The following SUGT1 variants were observed in gnomAD, a reference collection of about 807,000 sequenced individuals.
The protein encoded by SUGT1 is protein SGT1 homolog.
In SUGT1, 15 loss-of-function variants were observed where a neutral mutation model predicts 56.1. The observed-to-expected ratio is 0.27, with a 90% confidence interval of 0.18 to 0.41. The LOEUF is 0.41. SUGT1 is among the 10% of genes least tolerant of loss of function. SUGT1 has a pLI of 1.00. For missense variants in SUGT1, 347 were observed against 382.2 expected, an observed-to-expected ratio of 0.91 and a Z score of 0.77; for synonymous variants, 123 against 128.6, an observed-to-expected ratio of 0.96 and a Z score of 0.30.
At chr13:52,679,255 C>T (rs1282687870) in intron 11 of SUGT1, among the ~76,000 whole-genome samples, 2 of 152,156 alleles carry the variant, frequency 1.3e-5, no homozygotes, top group African/African-American at 4.8e-5. Context: ...TGGCAGTACC[C>T]CGAGCCCCTG....
rs1026561284 is a variant in SUGT1 at position 52,693,847 on chromosome 13, G to A, written c.*6012G>A. 6.6e-6 allele frequency: 1 copy of A among 152,164 alleles called. No homozygotes were observed. Among genetic ancestry groups the A allele is most frequent in the Non-Finnish European group, 1.5e-5 (1 of 68,042 alleles). 9.4% of individuals were successfully genotyped at this position (152,164 alleles called of 1,614,324 possible). On this transcript the variant is annotated 3_prime_UTR_variant, in exon 13 of 13. Coordinates refer to ENST00000310528, the MANE Select transcript of SUGT1 (RefSeq NM_006704.5). ...ATTATAGAATGCTAGCACTGATCCT[G>A]CTGAAATTGTTACAAAATACAGCAG...
intron 12 of SUGT1, among the ~76,000 whole-genome samples, chr13:52,681,266 A>C (rs1963361966): frequency 6.6e-6 from 1 of 151,660 alleles, no homozygotes; most frequent in African/African-American, 2.4e-5. Context: ...AAAAAAAAAA[A>C]AATTAGCTAG....
intron 10 of SUGT1, among the ~76,000 whole-genome samples, chr13:52,668,215 C>A (rs867757432): frequency 5.3e-5 from 8 of 152,220 alleles, no homozygotes; most frequent in Middle Eastern, 3.4e-3. Context: ...CTCCTGACCA[C>A]GTGATCTGCC....
At position 52,693,940 on chromosome 13, in the gene SUGT1, T is replaced by C. The variant is rs1280077390; in HGVS notation, c.*6105T>C. Reference sequence around the variant, plus strand: ...CTGAATGCTGTATGTACATTTTTTATACATGTATACTTATGATAAAGTTTA... The same window carrying C: ...CTGAATGCTGTATGTACATTTTTTACACATGTATACTTATGATAAAGTTTA... On this transcript the variant is annotated 3_prime_UTR_variant, in exon 13 of 13. Coordinates refer to ENST00000310528, the MANE Select transcript of SUGT1 (RefSeq NM_006704.5). The C allele has an allele frequency of 2.0e-5, 3 of 152,214 alleles. No homozygotes were observed. Among genetic ancestry groups the C allele is most frequent in the Non-Finnish European group, 4.4e-5 (3 of 68,036 alleles). The allele number at this position is 152,214 out of a possible 1,614,324, so 9.4% of individuals were successfully genotyped here. A position where few individuals can be genotyped will look rare whatever the true frequency, so the allele number is the denominator to read the frequency against.
Position 52,652,920 on chromosome 13 carries a change from G to T in SUGT1, c.-1G>T, listed in dbSNP as rs552841415. The T allele has an allele frequency of 2.5e-6, 4 of 1,613,852 alleles. No individual in the cohort carries two copies. In the African/African-American group the frequency reaches 5.3e-5, roughly 21 times the overall value. ...GGCGGCAGCAACAGCGACTACGAGG[G>T]ATGGCGGCGGCTGCAGCAGGAACTG... On this transcript the variant is annotated 5_prime_UTR_variant, in exon 1 of 13. Transcript: ENST00000310528.
chr13:52,669,806 C>G (rs1962857711), intron 10 of SUGT1, among the ~76,000 whole-genome samples: 1 of 152,056 alleles, frequency 6.6e-6, no homozygotes, highest in Admixed American at 6.6e-5. Flanking sequence ...TTAATTATGT[C>G]TTAAGGGAAA....
intron 2 of SUGT1, among the ~76,000 whole-genome samples, chr13:52,655,094 C>T (rs1367597026): frequency 1.3e-5 from 2 of 152,184 alleles, no homozygotes; most frequent in African/African-American, 4.8e-5. Context: ...GCCTATAGTC[C>T]CAGCACTCTG....
Position 52,682,343 on chromosome 13 carries a change from TCCATGCTG to T in SUGT1, c.900+2195_900+2202del, listed in dbSNP as rs1173566060. 2.0e-5 allele frequency among the ~76,000 whole-genome samples: 3 copies of T among 150,908 alleles called. No homozygotes were observed. The East Asian group carries it at 5.9e-4, about 30-fold the overall frequency. ...CCTCCCAAGTAGATGGGACTACACATCCATGCTGCCATGCCTGGCTAATTTTTAAAATT... is the reference window on the plus strand; with the variant it reads ...CCTCCCAAGTAGATGGGACTACACATCCATGCCTGGCTAATTTTTAAAATT... On this transcript the variant is annotated intron_variant, in intron 12 of 12. Transcript: ENST00000310528.
At chr13:52,667,385 C>G (rs1031417687) in intron 10 of SUGT1, among the ~76,000 whole-genome samples, 2 of 152,060 alleles carry the variant, frequency 1.3e-5, no homozygotes, top group Non-Finnish European at 2.9e-5. Context: ...TGCTTTGTTG[C>G]CCAGGCTGGA....
At chr13:52,680,623 C>T (rs891968310) in intron 12 of SUGT1, among the ~76,000 whole-genome samples, 2 of 152,086 alleles carry the variant, frequency 1.3e-5, no homozygotes, top group Non-Finnish European at 2.9e-5. Flanking sequence ...TAAATTAGAC[C>T]TCAAAATTTT....
In SUGT1 at chr13:52,692,542, C is replaced by T. The variant is rs1436714130; in HGVS notation, c.*4707C>T. 1 of 152,282 alleles carries T rather than the reference C, an allele frequency of 6.6e-6. No individual in the cohort carries two copies. The highest frequency in any genetic ancestry group is 1.5e-5 in the Non-Finnish European group (1 of 68,298). The allele number at this position is 152,282 out of a possible 1,614,324, so 9.4% of individuals were successfully genotyped here. A position where few individuals can be genotyped will look rare whatever the true frequency, so the allele number is the denominator to read the frequency against. Reference sequence around the variant, plus strand: ...TCTTCTGCCTCAGCCTCCTGAGTAGCTGGGATTACAGGCATGGGCCGCCAT... The same window carrying T: ...TCTTCTGCCTCAGCCTCCTGAGTAGTTGGGATTACAGGCATGGGCCGCCAT... On this transcript the variant is annotated 3_prime_UTR_variant, in exon 13 of 13. Coordinates refer to ENST00000310528, the MANE Select transcript of SUGT1 (RefSeq NM_006704.5).
intron 11 of SUGT1, among the ~76,000 whole-genome samples, chr13:52,677,701 TTCTGTTAACCCGTTG>T: frequency 9.6e-6 from 1 of 103,656 alleles, no homozygotes; most frequent in South Asian, 3.6e-4. Flanking sequence ...GGTCCAGTTA[TTCTGTTAACCCGTTG>T]TCTACTTGTT....
chr13:52,666,822 T>C lies in SUGT1; in HGVS notation c.530T>C (p.Leu177Ser), dbSNP rs1397453637. The stretch of plus-strand genomic sequence containing the variant: ...TTTTGTGTTCATTAGTTGTCTGCTT[T>C]GGTTAAACTTCCTTCTGGAGAGGAT... ...VEFSEKELSA[L>S]VKLPSGEDYN... is the part of the protein sequence containing the mutation. The change falls in exon 10 of 13, where the codon TTG becomes TCG. Residue 177 changes from leucine (L) to serine (S), a missense_variant. Coordinates refer to ENST00000310528, the MANE Select transcript of SUGT1 (RefSeq NM_006704.5). 2 of 1,612,658 alleles carry C rather than the reference T, an allele frequency of 1.2e-6. No homozygotes were observed. The highest frequency in any genetic ancestry group is 1.7e-6 in the Non-Finnish European group (2 of 1,179,100).
At chr13:52,657,892 C>G (rs1962243319) in intron 3 of SUGT1, among the ~76,000 whole-genome samples, 1 of 152,120 alleles carries the variant, frequency 6.6e-6, no homozygotes, top group African/African-American at 2.4e-5. Context: ...ATTTGACAGA[C>G]TATTAAAATG....
intron 11 of SUGT1, among the ~76,000 whole-genome samples, chr13:52,676,782 A>G (rs1264109482): frequency 6.6e-6 from 1 of 152,106 alleles, no homozygotes; most frequent in Non-Finnish European, 1.5e-5. Flanking sequence ...CCCATTTCTT[A>G]TTGCTAATTT....
At chr13:52,659,540 G>C (rs528403761) in intron 5 of SUGT1, among the ~76,000 whole-genome samples, 3 of 151,892 alleles carry the variant, frequency 2.0e-5, no homozygotes, top group Non-Finnish European at 4.4e-5. Flanking sequence ...TAATGGAGAA[G>C]TGAAAGTTTA....
rs991826630 is a variant in SUGT1, at chr13:52,695,516, C to T, written c.*7681C>T. 2 of 152,190 alleles carry T rather than the reference C, an allele frequency of 1.3e-5. No individual in the cohort carries two copies. Among genetic ancestry groups the T allele is most frequent in the African/African-American group, 4.8e-5 (2 of 41,440 alleles). 9.4% of individuals were successfully genotyped at this position (152,190 alleles called of 1,614,324 possible). A position where few individuals can be genotyped will look rare whatever the true frequency, so the allele number is the denominator to read the frequency against. ...AGGATTTAATAACTAAGTCCTGACT[C>T]AAATTATGTTACCAATAAATGCTAC... On this transcript the variant is annotated 3_prime_UTR_variant, in exon 13 of 13. Transcript: ENST00000310528.
chr13:52,673,248 T>G (rs1476251106), intron 10 of SUGT1, among the ~76,000 whole-genome samples: 1 of 13,898 alleles, frequency 7.2e-5, no homozygotes, highest in Non-Finnish European at 1.5e-4. Flanking sequence ...TTTACTTTTT[T>G]TTTTTTTGTG....
intron 2 of SUGT1, 138 bp from the exon 3 acceptor site, chr13:52,657,394 A>C: frequency 1.3e-6 from 1 of 763,056 alleles, no homozygotes; most frequent in Non-Finnish European, 2.1e-6. Flanking sequence ...ATAAGGAAAA[A>C]CTCCAATATT....
Sources: allele counts gnomAD v4.1 joint callset (sites outside exome capture counted in the v4.1 genomes callset), GRCh38; gene constraint gnomAD v4.1.1; transcripts MANE v1.5; gene names NCBI Gene and HGNC (gene_info 2026-07-23, HGNC 2026-07-21).